The following PHF24 variants were observed in gnomAD, a reference collection of about 807,000 sequenced individuals.
PHF24 encodes the protein Galpha inhibitory interacting protein.
A neutral mutation model predicts 42.6 loss-of-function variants in PHF24; 25 were observed. The observed-to-expected ratio is 0.59, with a 90% CI of 0.43 to 0.82. The LOEUF (loss-of-function observed/expected upper bound fraction) is 0.82. Among genes scored for constraint, PHF24 ranks in the 40% least tolerant of loss-of-function variants. The pLI is 0.00. For synonymous variants in PHF24, 185 were observed against 204.8 expected (o/e 0.90, Z 0.83); for missense variants, 470 against 538.1 (o/e 0.87, Z 1.25).
the PHF24 span, among the ~76,000 whole-genome samples, chr9:34,939,543 G>C: frequency 6.6e-6 from 1 of 152,166 alleles, no homozygotes; most frequent in Non-Finnish European, 1.5e-5. Flanking sequence ...TCAGGCCAGA[G>C]TTGTCTGTCA....
chr9:34,741,702 T>C, the PHF24 span, among the ~76,000 whole-genome samples: 1 of 152,256 alleles, frequency 6.6e-6, no homozygotes, highest in African/African-American at 2.4e-5. Flanking sequence ...ATGTTCTGCA[T>C]GGCCAAGTGA....
chr9:34,690,423 CCTGTGTGTGT>C, the PHF24 span: 1 of 913,262 alleles, frequency 1.1e-6, no homozygotes, highest in Non-Finnish European at 1.6e-6. Context: ...ATTGAGGACA[CCTGTGTGTGT>C]GTGTGTGTGT....
chr9:34,686,704 T>C, the PHF24 span, among the ~76,000 whole-genome samples: 1 of 152,128 alleles, frequency 6.6e-6, no homozygotes, highest in Non-Finnish European at 1.5e-5. Flanking sequence ...GCTGCAGGCC[T>C]TGAACCTGTA....
chr9:34,764,026 C>G, the PHF24 span, among the ~76,000 whole-genome samples: 2 of 151,948 alleles, frequency 1.3e-5, no homozygotes, highest in African/African-American at 2.4e-5. Context: ...ATTGAACTAG[C>G]CTTGCATCCC....
chr9:34,938,746 G>C, the PHF24 span, among the ~76,000 whole-genome samples: 1 of 150,144 alleles, frequency 6.7e-6, no homozygotes, highest in Admixed American at 6.7e-5. Flanking sequence ...TGGCTAACGC[G>C]GTGAAACCCC....
the PHF24 span, among the ~76,000 whole-genome samples, chr9:34,909,247 C>T: frequency 2.0e-5 from 3 of 152,264 alleles, no homozygotes; most frequent in South Asian, 4.1e-4. Context: ...TGCAAGAGCA[C>T]ACCGCTATAC....
the PHF24 span, among the ~76,000 whole-genome samples, chr9:34,933,829 A>G: frequency 6.6e-6 from 1 of 151,316 alleles, no homozygotes; most frequent in Non-Finnish European, 1.5e-5. Context: ...GCTGGAGTGC[A>G]GTGGCATGAT....
the PHF24 span, among the ~76,000 whole-genome samples, chr9:34,841,500 G>A: frequency 6.6e-6 from 1 of 152,062 alleles, no homozygotes; most frequent in Admixed American, 6.5e-5. Flanking sequence ...TTTGTCTAGA[G>A]TTTAGTAATT....
chr9:34,765,543 C>T, the PHF24 span, among the ~76,000 whole-genome samples: 5 of 149,076 alleles, frequency 3.4e-5, no homozygotes, highest in African/African-American at 1.2e-4. Context: ...TTTTGTTTTC[C>T]ATCTGCTTGG....
At chr9:34,913,867 G>A in the PHF24 span, among the ~76,000 whole-genome samples, 1 of 152,134 alleles carries the variant, frequency 6.6e-6, no homozygotes, top group African/African-American at 2.4e-5. Flanking sequence ...AATTTTTCTG[G>A]AGCATAAACC....
chr9:34,975,069 A>G (rs1241134844), intron 3 of PHF24, among the ~76,000 whole-genome samples: 1 of 152,112 alleles, frequency 6.6e-6, no homozygotes, highest in Non-Finnish European at 1.5e-5. Context: ...GCTCTAATCC[A>G]TCTTCCACAC....
the PHF24 span, chr9:34,709,212 C>G: frequency 1.3e-6 from 1 of 756,702 alleles, no homozygotes; most frequent in East Asian, 2.6e-5. Flanking sequence ...GCAGCTCAGC[C>G]ATGCAGGGTA....
chr9:34,684,385 C>T, the PHF24 span, among the ~76,000 whole-genome samples: 2 of 152,266 alleles, frequency 1.3e-5, no homozygotes, highest in South Asian at 4.1e-4. Flanking sequence ...GATACTCTGG[C>T]ACTCAGTGCT....
At chr9:34,700,543 A>T in the PHF24 span, among the ~76,000 whole-genome samples, 3 of 152,150 alleles carry the variant, frequency 2.0e-5, no homozygotes, top group Admixed American at 6.5e-5. Context: ...ATTGAAGAGG[A>T]GTGGGTTTGT....
the PHF24 span, among the ~76,000 whole-genome samples, chr9:34,801,598 G>C: frequency 2.0e-5 from 3 of 152,026 alleles, no homozygotes; most frequent in Non-Finnish European, 4.4e-5. Flanking sequence ...TTGGTGGCGG[G>C]CACCTGTAGT....
the PHF24 span, among the ~76,000 whole-genome samples, chr9:34,826,073 G>C: frequency 2.0e-5 from 3 of 152,216 alleles, no homozygotes; most frequent in South Asian, 2.1e-4. Context: ...GGCAGGAAAG[G>C]GGGGTAGTTG....
At chr9:34,756,979 C>G in the PHF24 span, among the ~76,000 whole-genome samples, 1 of 152,006 alleles carries the variant, frequency 6.6e-6, no homozygotes, top group Non-Finnish European at 1.5e-5. Context: ...TGACTTGGCT[C>G]ACTGCAACCT....
At chr9:34,847,740 T>C in the PHF24 span, among the ~76,000 whole-genome samples, 94 of 152,220 alleles carry the variant, frequency 6.2e-4, no homozygotes, top group African/African-American at 2.1e-3. Flanking sequence ...TGTGGGTTTG[T>C]CATAGATAGC....
the PHF24 span, among the ~76,000 whole-genome samples, chr9:34,672,471 G>A: frequency 5.7e-4 from 87 of 152,088 alleles, 1 homozygote; most frequent in African/African-American, 1.9e-3. Context: ...CCTAAATCTG[G>A]GTAATTTATA....
Sources: gnomAD v4.1 joint callset for allele counts (sites outside exome capture counted in the v4.1 genomes callset) on GRCh38, gnomAD v4.1.1 for gene constraint, MANE v1.5 for transcripts, NCBI Gene and HGNC (gene_info 2026-07-23, HGNC 2026-07-21) for gene names.